The following SLCO2A1 variants were observed in gnomAD, a reference collection of about 807,000 sequenced individuals.
SLCO2A1 encodes solute carrier organic anion transporter family member 2A1, also known as matrin F/G 1.
Under a neutral mutation model 71.7 loss-of-function variants are expected in SLCO2A1, and 60 were observed. The ratio of observed to expected loss-of-function variants is 0.84; its 90% confidence interval spans 0.68 to 1.04. SLCO2A1 has a LOEUF of 1.04. SLCO2A1 is among the 50% of genes least tolerant of loss of function. The pLI is 0.00. For synonymous variants in SLCO2A1, 308 were observed against 326.7 expected (o/e 0.94, Z 0.62); for missense variants, 745 against 813.4 (o/e 0.92, Z 1.02).
At chr3:133,975,410 C>A (rs1207920913) in intron 2 of SLCO2A1, among the ~76,000 whole-genome samples, 1 of 152,190 alleles carries the variant, frequency 6.6e-6, no homozygotes, top group African/African-American at 2.4e-5. Flanking sequence ...GCCAGTGATT[C>A]CTCAACCTCC....
In SLCO2A1 at chr3:133,991,744, G is replaced by A. The variant is rs567088413; in HGVS notation, c.97-12126C>T. On this transcript the variant is annotated intron_variant, in intron 1 of 13. Transcript: ENST00000310926. ...TGCCTGGGAGGGGAGGCTGCAGGGG[G>A]CCGGAGGAGCCAGGCCTCCAACAGA... Among the ~76,000 whole-genome samples, 7 of 152,322 alleles carry A rather than the reference G, an allele frequency of 4.6e-5. No individual in the cohort carries two copies. In the South Asian group the frequency reaches 1.5e-3, roughly 32 times the overall value.
chr3:133,952,030 T>C (rs1173655563), intron 5 of SLCO2A1, among the ~76,000 whole-genome samples: 1 of 152,188 alleles, frequency 6.6e-6, no homozygotes, highest in Non-Finnish European at 1.5e-5. Context: ...CCATTGTGTT[T>C]CTCTGTGTAA....
intron 9 of SLCO2A1, 110 bp downstream of exon 9, chr3:133,947,146 A>T (rs1933599100): frequency 1.0e-5 from 10 of 970,016 alleles, no homozygotes; most frequent in Non-Finnish European, 1.5e-5. Context: ...AAAAAAAAAA[A>T]AGTGTACAGC....
At chr3:134,025,373 C>A (rs980538469) in intron 1 of SLCO2A1, among the ~76,000 whole-genome samples, 3 of 152,216 alleles carry the variant, frequency 2.0e-5, no homozygotes, top group Admixed American at 1.3e-4. Context: ...ATCTGAGCCT[C>A]CCATGACCAC....
At position 133,938,488 on chromosome 3, in the gene SLCO2A1, A is replaced by G. The variant is rs1576424835; in HGVS notation, c.1631T>C (p.Val544Ala). Residue 544 changes from valine (V) to alanine (A), a missense_variant, in exon 12 of 14, where the codon GTG becomes GCG. Val to Ala is a moderately conservative substitution (Grantham distance 64). Transcript: ENST00000310926. ...NPLYMMVLRV[V>A]NQEEKSFAIG... ...GGCAAATGACTTTTCCTCCTGGTTC[A>G]CCACACTGAAAAGACAGACAGGAAA... is the stretch of plus-strand genomic sequence containing the variant. 1 of 1,614,056 alleles carries G rather than the reference A, an allele frequency of 6.2e-7. No homozygotes were observed. The highest frequency in any genetic ancestry group is 1.7e-5 in the Admixed American group (1 of 60,024).
At chr3:133,960,121 A>AAAAT (rs59630146) in intron 3 of SLCO2A1, among the ~76,000 whole-genome samples, 26,677 of 149,012 alleles carry the variant, frequency 0.18, 2,555 homozygotes, top group East Asian at 0.27. Context: ...CTCCGTCTCA[A>AAAAT]AAATAAATAA....
chr3:134,028,254 C>A (rs1173605344), intron 1 of SLCO2A1, among the ~76,000 whole-genome samples: 2 of 152,090 alleles, frequency 1.3e-5, no homozygotes, highest in Non-Finnish European at 2.9e-5. Flanking sequence ...CTGCAGAGGC[C>A]CCTTTCTTTA....
chr3:133,959,158 G>C (rs963448776), intron 3 of SLCO2A1, among the ~76,000 whole-genome samples: 1 of 152,086 alleles, frequency 6.6e-6, no homozygotes, highest in Non-Finnish European at 1.5e-5. Context: ...TCCTGAAAAG[G>C]ACCTGGACCC....
chr3:133,942,432 T>C lies in SLCO2A1; in HGVS notation c.1625+173A>G, dbSNP rs950050925. ...TCCCTGGGCAGGGCTCCCAGCACTG[T>C]TGCCATTAGTATTATTTCCCCTCAG... On this transcript the variant is annotated intron_variant, in intron 11 of 13. Coordinates refer to ENST00000310926, the MANE Select transcript of SLCO2A1 (RefSeq NM_005630.3). The C allele has an allele frequency of 5.9e-6, 4 of 683,420 alleles. No homozygotes were observed. The African/African-American group carries it at 7.3e-5, about 13-fold the overall frequency. The allele number at this position is 683,420 out of a possible 1,614,324, so 42.3% of individuals were successfully genotyped here.
chr3:133,969,598 C>T (rs930197627), intron 3 of SLCO2A1, among the ~76,000 whole-genome samples: 4 of 151,710 alleles, frequency 2.6e-5, no homozygotes, highest in African/African-American at 9.7e-5. Context: ...GTTGCCCAGT[C>T]TGGTCTCGAA....
At chr3:133,946,006 A>T (rs572367446) in intron 9 of SLCO2A1, among the ~76,000 whole-genome samples, 1 of 152,188 alleles carries the variant, frequency 6.6e-6, no homozygotes, top group Non-Finnish European at 1.5e-5. Flanking sequence ...TCCCCCAACT[A>T]GTAAGGAACA....
intron 3 of SLCO2A1, among the ~76,000 whole-genome samples, chr3:133,959,426 T>C (rs1016858423): frequency 1.5e-4 from 23 of 149,902 alleles, no homozygotes; most frequent in Non-Finnish European, 1.3e-4. Context: ...AAACGAGTGT[T>C]GGCAAGGGTG....
chr3:134,006,556 A>G (rs946503737), intron 1 of SLCO2A1, among the ~76,000 whole-genome samples: 1 of 152,208 alleles, frequency 6.6e-6, no homozygotes, highest in Non-Finnish European at 1.5e-5. Flanking sequence ...TATCTCATGT[A>G]AATGGAATCA....
chr3:133,945,323 C>A, intron 9 of SLCO2A1, 63 bp from the exon 10 acceptor site: 1 of 1,487,882 alleles, frequency 6.7e-7, no homozygotes, highest in Non-Finnish European at 9.0e-7. Flanking sequence ...CCCTACACTC[C>A]AGCCCAGTGT....
At position 133,988,701 on chromosome 3, in the gene SLCO2A1, G is replaced by C. The variant is rs890302121; in HGVS notation, c.97-9083C>G. On this transcript the variant is annotated intron_variant, in intron 1 of 13. Transcript: ENST00000310926. ...ACCATGCTGCTGTTCTCTGAAAGAG[G>C]GAGGGGACAGCCATGTGCTGCTGGC... is the stretch of plus-strand genomic sequence containing the variant. 2.6e-5 allele frequency among the ~76,000 whole-genome samples: 4 copies of C among 152,326 alleles called. No individual in the cohort carries two copies. In the East Asian group the frequency reaches 5.8e-4, roughly 22 times the overall value.
At chr3:133,954,204 C>T (rs1024562287) in intron 4 of SLCO2A1, among the ~76,000 whole-genome samples, 3 of 143,410 alleles carry the variant, frequency 2.1e-5, no homozygotes, top group African/African-American at 7.7e-5. Context: ...CTCTTGTTGC[C>T]CATGCTGGAG....
chr3:133,986,331 C>T (rs1056465098), intron 1 of SLCO2A1, among the ~76,000 whole-genome samples: 1 of 152,108 alleles, frequency 6.6e-6, no homozygotes, highest in African/African-American at 2.4e-5. Flanking sequence ...TTCAAGAGTC[C>T]TATTTTGACA....
At chr3:133,985,664 T>C (rs536730371) in intron 1 of SLCO2A1, among the ~76,000 whole-genome samples, 1 of 152,216 alleles carries the variant, frequency 6.6e-6, no homozygotes, top group East Asian at 1.9e-4. Flanking sequence ...AATATAGACT[T>C]CATGGTGGAA....
intron 3 of SLCO2A1, among the ~76,000 whole-genome samples, chr3:133,965,291 G>C (rs1279290076): frequency 6.6e-6 from 1 of 152,196 alleles, no homozygotes; most frequent in Non-Finnish European, 1.5e-5. Flanking sequence ...ATGACATCCT[G>C]CTAGACAAGA....
Sources: allele counts gnomAD v4.1 joint callset (sites outside exome capture counted in the v4.1 genomes callset), GRCh38; gene constraint gnomAD v4.1.1; transcripts MANE v1.5; gene names NCBI Gene and HGNC (gene_info 2026-07-23, HGNC 2026-07-21).